The following ERP27 variants were observed in gnomAD, a reference collection of about 807,000 sequenced individuals.
ERP27 encodes the protein endoplasmic reticulum protein 27, also known as endoplasmic reticulum resident protein 27.
Under a neutral mutation model 27.7 loss-of-function variants are expected in ERP27, and 23 were observed. That is an observed-to-expected ratio of 0.83 (90% CI 0.60 to 1.18). The LOEUF (loss-of-function observed/expected upper bound fraction) is 1.18. Ranked by LOEUF, ERP27 falls within the 50% of genes most tolerant of loss-of-function variation. The pLI, the probability that ERP27 is intolerant of heterozygous loss-of-function variation, is 0.00. For synonymous variants in ERP27, 159 were observed against 118.3 expected (o/e 1.34, Z -2.23); for missense variants, 363 against 327.9 (o/e 1.11, Z -0.83).
chr12:14,928,538 C>T (rs1303900340), intron 3 of ERP27, among the ~76,000 whole-genome samples: 2 of 152,308 alleles, frequency 1.3e-5, no homozygotes, highest in East Asian at 1.9e-4. Context: ...GCTATATGCA[C>T]TGAGGCATAA....
intron 5 of ERP27, 85 bp from the exon 6 acceptor site, chr12:14,915,771 A>G (rs1257915063): frequency 2.4e-5 from 29 of 1,183,836 alleles, no homozygotes; most frequent in Non-Finnish European, 3.3e-5. Context: ...GTTGCAGCTC[A>G]CACTGATTGA....
chr12:14,925,122 ACTTT>A lies in ERP27; in HGVS notation c.334-4078_334-4075del, dbSNP rs376511324. ...GGTGTAGCCATTCTTTCATTCCTTT[ACTTT>A]CTTAATAAACTTGCTTTCACTTTAC... On this transcript the variant is annotated intron_variant, in intron 3 of 6. Coordinates refer to ENST00000266397, the MANE Select transcript of ERP27 (RefSeq NM_152321.4). Among the ~76,000 whole-genome samples, 432 of 152,266 alleles carry A rather than the reference ACTTT, an allele frequency of 2.8e-3. 2 individuals carry two copies. Among genetic ancestry groups the A allele is most frequent in the African/African-American group, 9.9e-3 (412 of 41,558 alleles).
At chr12:14,927,882 C>G (rs1193769636) in intron 3 of ERP27, among the ~76,000 whole-genome samples, 1 of 152,084 alleles carries the variant, frequency 6.6e-6, no homozygotes, top group African/African-American at 2.4e-5. Flanking sequence ...TATTTCAGAA[C>G]AAGCTTTCCA....
rs1165176335 is a variant in ERP27 at position 14,914,569 on chromosome 12, TGTGTGTGTGC to T, written c.*156_*165del. On this transcript the variant is annotated 3_prime_UTR_variant, in exon 7 of 7. Coordinates refer to ENST00000266397, the MANE Select transcript of ERP27 (RefSeq NM_152321.4). ...CAGGAAATGAAGCTCTGTGTGTGTG[TGTGTGTGTGC>T]GTGTGTGTGTGCACGCGTGCGTGCG... is the stretch of plus-strand genomic sequence containing the variant. 1.1e-4 allele frequency: 57 copies of T among 541,184 alleles called. 1 individual carries two copies. The highest frequency in any genetic ancestry group is 7.4e-4 in the South Asian group (33 of 44,754). The allele number at this position is 541,184 out of a possible 1,614,324, so 33.5% of individuals were successfully genotyped here.
intron 3 of ERP27, among the ~76,000 whole-genome samples, chr12:14,932,345 C>T (rs1220095020): frequency 6.6e-6 from 1 of 152,130 alleles, no homozygotes; most frequent in Non-Finnish European, 1.5e-5. Context: ...CATTCCTGAA[C>T]TGATTCACTG....
intron 6 of ERP27, among the ~76,000 whole-genome samples, chr12:14,915,082 T>C (rs1395309682): frequency 6.6e-6 from 1 of 152,190 alleles, no homozygotes; most frequent in Non-Finnish European, 1.5e-5. Flanking sequence ...GCCCAAATAA[T>C]TTTTTTAACT....
intron 3 of ERP27, among the ~76,000 whole-genome samples, chr12:14,925,025 C>T (rs920307805): frequency 2.0e-5 from 3 of 152,186 alleles, no homozygotes; most frequent in Non-Finnish European, 2.9e-5. Context: ...GATAATCCAC[C>T]GCTTAGTGCA....
chr12:14,922,138 G>T (rs555538458), intron 3 of ERP27, among the ~76,000 whole-genome samples: 1 of 152,172 alleles, frequency 6.6e-6, no homozygotes, highest in Non-Finnish European at 1.5e-5. Context: ...ATATGCCTCT[G>T]TATCCACTGA....
Position 14,915,614 on chromosome 12 carries a change from A to C in ERP27, c.649T>G (p.Ser217Ala), listed in dbSNP as rs773284059. The change falls in exon 6 of 7, where the codon TCT becomes GCT. Residue 217 changes from serine to alanine, a missense_variant. By Grantham distance (99) the Ser-to-Ala change is moderately conservative. Transcript: ENST00000266397. ...KVISFFKLKE[S>A]QLPALAIYQT... ...TAAATTGCCAAAGCTGGCAGTTGAG[A>C]CTCCTTTAGTTTGAAAAATGATATC... is the stretch of plus-strand genomic sequence containing the variant. 6.2e-7 allele frequency: 1 copy of C among 1,613,978 alleles called. No homozygotes were observed.
chr12:14,934,852 T>C lies in ERP27; in HGVS notation c.333+4A>G, dbSNP rs1863751000. ...AGAAAGCTCAAGCTACCCACCCAAC[T>C]TACCAGGCGAAAGAGGCAGATGGTG... is the stretch of plus-strand genomic sequence containing the variant. On this transcript the variant is annotated splice_donor_region_variant and intron_variant, in intron 3 of 6. Transcript: ENST00000266397. 6.2e-7 allele frequency: 1 copy of C among 1,613,824 alleles called. No individual in the cohort carries two copies.
At chr12:14,926,517 C>T (rs6488727) in intron 3 of ERP27, among the ~76,000 whole-genome samples, 92,323 of 152,008 alleles carry the variant, frequency 0.61, 28,421 homozygotes, top group East Asian at 0.86. Flanking sequence ...TATTTCTGTC[C>T]TACTTTTGAA....
At chr12:14,915,109 T>C (rs12306904) in intron 6 of ERP27, among the ~76,000 whole-genome samples, 7,767 of 152,294 alleles carry the variant, frequency 0.051, 337 homozygotes, top group African/African-American at 0.11. Flanking sequence ...TTTTTGCTTT[T>C]ATCTTTGTTT....
At chr12:14,936,007 T>C (rs11056246) in intron 2 of ERP27, among the ~76,000 whole-genome samples, 54,851 of 151,906 alleles carry the variant, frequency 0.36, 10,061 homozygotes, top group Middle Eastern at 0.43. Context: ...CAGGTGTGAG[T>C]CACTGTGCCC....
At chr12:14,921,510 G>A (rs1392284588) in intron 3 of ERP27, among the ~76,000 whole-genome samples, 2 of 152,148 alleles carry the variant, frequency 1.3e-5, no homozygotes, top group African/African-American at 2.4e-5. Flanking sequence ...ATAAGGAAGA[G>A]CAAATTTGGA....
chr12:14,932,222 G>A (rs373402010), intron 3 of ERP27, among the ~76,000 whole-genome samples: 73 of 152,120 alleles, frequency 4.8e-4, no homozygotes, highest in Admixed American at 9.2e-4. Flanking sequence ...AGACAGATAC[G>A]TAAATATATG....
At position 14,932,089 on chromosome 12, in the gene ERP27, T is replaced by G. The variant is rs543128133; in HGVS notation, c.333+2767A>C. ...ACATGCTTTTGGAGGTGAGTTTAGT[T>G]CCCCAAGCACCCTCCGAGTGCCTTT... is the stretch of plus-strand genomic sequence containing the variant. On this transcript the variant is annotated intron_variant, in intron 3 of 6. Transcript: ENST00000266397. Among the ~76,000 whole-genome samples the G allele has an allele frequency of 1.2e-4, 19 of 152,198 alleles. No homozygotes were observed. The South Asian group carries it at 3.7e-3, about 30-fold the overall frequency.
chr12:14,936,115 T>C (rs1592280263), intron 2 of ERP27, among the ~76,000 whole-genome samples: 1 of 151,778 alleles, frequency 6.6e-6, no homozygotes, highest in Non-Finnish European at 1.5e-5. Context: ...TCCTCTTGAG[T>C]TTTGGCTTTG....
intron 4 of ERP27, among the ~76,000 whole-genome samples, chr12:14,920,129 AATAAAGGATGGGACACATAAG>A (rs1250931022): frequency 1.3e-5 from 2 of 152,240 alleles, no homozygotes; most frequent in Admixed American, 1.3e-4. Flanking sequence ...TGTCAGGGAA[AATAAAGGATGGGACACATAAG>A]ATAATTCTGT....
intron 3 of ERP27, chr12:14,929,134 A>C: frequency 6.9e-7 from 1 of 1,456,318 alleles, no homozygotes; most frequent in Non-Finnish European, 9.0e-7. Context: ...GCATGGATCA[A>C]GAATCCCCCC....
Sources: gnomAD v4.1 joint callset for allele counts (sites outside exome capture counted in the v4.1 genomes callset) on GRCh38, gnomAD v4.1.1 for gene constraint, MANE v1.5 for transcripts, NCBI Gene and HGNC (gene_info 2026-07-23, HGNC 2026-07-21) for gene names.